Variants in CEP63 observed in about 807,000 individuals in gnomAD.
CEP63 encodes centrosomal protein 63, also known as centrosomal protein of 63 kDa.
CEP63 carries 84 observed loss-of-function variants against 89.1 expected under a neutral mutation model. The ratio of observed to expected loss-of-function variants is 0.94; its 90% confidence interval spans 0.79 to 1.13. CEP63 has a LOEUF of 1.13. Among genes scored for constraint, CEP63 ranks in the 50% most tolerant of loss-of-function variants. CEP63 has a pLI of 0.00. For synonymous variants in CEP63, 267 were observed against 272.5 expected (o/e 0.98, Z 0.20); for missense variants, 838 against 813.3 (o/e 1.03, Z -0.37).
downstream of CEP63, among the ~76,000 whole-genome samples, chr3:134,590,793 A>C (rs1958582563): frequency 6.6e-6 from 1 of 152,208 alleles, no homozygotes; most frequent in Non-Finnish European, 1.5e-5. Flanking sequence ...TAATGGCACT[A>C]TACAATTCCC....
chr3:134,684,564 A>G, the CEP63 span, among the ~76,000 whole-genome samples: 7 of 152,208 alleles, frequency 4.6e-5, no homozygotes, highest in African/African-American at 1.7e-4. Context: ...CTCTAATTCA[A>G]CAAAGGAATT....
chr3:134,559,417 G>T lies in CEP63; in HGVS notation c.1941G>T (p.Glu647Asp). The T allele has an allele frequency of 6.2e-7, 1 of 1,613,334 alleles. No individual in the cohort carries two copies. Among genetic ancestry groups the T allele is most frequent in the Non-Finnish European group, 8.5e-7 (1 of 1,179,392 alleles). The change falls in exon 14 of 15, where the codon GAG becomes GAT. Residue 647 changes from glutamate to aspartate, a missense_variant. Glu to Asp is a conservative substitution (Grantham distance 45). Coordinates refer to ENST00000675561, the MANE Select transcript of CEP63 (RefSeq NM_001353108.3). ...CTGAGAGTATGAATGACCAAGAAGA[G>T]TTTATATCTTCGGTATGGAAACTTT... is the stretch of plus-strand genomic sequence containing the variant. ...TMSESMNDQE[E>D]FISSCSLPVS...
At chr3:134,595,220 A>G in the CEP63 span, among the ~76,000 whole-genome samples, 2 of 152,174 alleles carry the variant, frequency 1.3e-5, no homozygotes, top group Non-Finnish European at 2.9e-5. Flanking sequence ...GTGAGTTCTC[A>G]CAAGATCTGA....
rs1183918846 is a variant in CEP63 at position 134,507,159 on chromosome 3, T to C, written c.95T>C (p.Ile32Thr). ...EAELQELMKQ[I>T]DIMVAHKKSE... ...GAACTACAGGAGCTCATGAAACAGA[T>C]TGACATAATGGTGGCTCATAAAAAA... is the stretch of plus-strand genomic sequence containing the variant. Residue 32 changes from isoleucine to threonine, a missense_variant, in exon 3 of 15, where the codon ATT becomes ACT. By Grantham distance (89) the Ile-to-Thr change is moderately conservative (BLOSUM62 -1). Coordinates refer to ENST00000675561, the MANE Select transcript of CEP63 (RefSeq NM_001353108.3). 4 of 1,613,652 alleles carry C rather than the reference T, an allele frequency of 2.5e-6. No individual in the cohort carries two copies. In the African/African-American group the frequency reaches 4.0e-5, roughly 16 times the overall value.
At chr3:134,607,527 G>T in the CEP63 span, 14 of 985,740 alleles carry the variant, frequency 1.4e-5, no homozygotes, top group Non-Finnish European at 1.6e-5. Flanking sequence ...CTTTGCTGAG[G>T]TGTGGGAGGC....
At chr3:134,516,973 G>T (rs913632929) in intron 3 of CEP63, among the ~76,000 whole-genome samples, 2 of 152,090 alleles carry the variant, frequency 1.3e-5, no homozygotes, top group African/African-American at 4.8e-5. Flanking sequence ...TAGATCTTAG[G>T]TCAAGGTTCA....
intron 11 of CEP63, 37 bp from the exon 12 acceptor site, chr3:134,551,889 A>C (rs975464571): frequency 2.1e-6 from 3 of 1,415,714 alleles, no homozygotes; most frequent in African/African-American, 2.8e-5. Context: ...TGTGATTTAC[A>C]TGTTATATTT....
chr3:134,550,639 C>T (rs760732376), intron 11 of CEP63, among the ~76,000 whole-genome samples: 5 of 152,148 alleles, frequency 3.3e-5, no homozygotes, highest in Non-Finnish European at 7.3e-5. Flanking sequence ...AGTAGAAACA[C>T]GCTTGCTGTG....
At chr3:134,545,349 C>T (rs1482105739) in intron 6 of CEP63, among the ~76,000 whole-genome samples, 2 of 151,950 alleles carry the variant, frequency 1.3e-5, no homozygotes, top group South Asian at 2.1e-4. Flanking sequence ...AGGCTGATCT[C>T]GAACTCCTGA....
At chr3:134,673,330 T>C in the CEP63 span, among the ~76,000 whole-genome samples, 8 of 152,170 alleles carry the variant, frequency 5.3e-5, no homozygotes, top group Non-Finnish European at 8.8e-5. Flanking sequence ...TGGCCTCATA[T>C]AGAAGCCATT....
chr3:134,685,922 G>T, the CEP63 span, among the ~76,000 whole-genome samples: 4 of 152,112 alleles, frequency 2.6e-5, no homozygotes, highest in Admixed American at 1.3e-4. Flanking sequence ...ACGTGTTTAG[G>T]GCCTACTCCA....
the CEP63 span, among the ~76,000 whole-genome samples, chr3:134,693,581 G>A: frequency 6.6e-6 from 1 of 152,176 alleles, no homozygotes; most frequent in Admixed American, 6.5e-5. Flanking sequence ...ATATAAAATG[G>A]AGGGAAACAG....
downstream of CEP63, among the ~76,000 whole-genome samples, chr3:134,565,243 T>G (rs1007096296): frequency 6.6e-6 from 1 of 152,202 alleles, no homozygotes; most frequent in Non-Finnish European, 1.5e-5. Flanking sequence ...AAAGTTGACT[T>G]CCCACTGTGG....
At chr3:134,502,283 G>GTT (rs148620051) in intron 2 of CEP63, among the ~76,000 whole-genome samples, 2 of 151,196 alleles carry the variant, frequency 1.3e-5, no homozygotes, top group East Asian at 1.9e-4. Context: ...TTGGTCTGTA[G>GTT]TTTTTTTTTG....
At chr3:134,758,690 A>AT in the CEP63 span, among the ~76,000 whole-genome samples, 1 of 152,164 alleles carries the variant, frequency 6.6e-6, no homozygotes, top group Non-Finnish European at 1.5e-5. Flanking sequence ...CTGATCTAAG[A>AT]TAGTCACTTC....
chr3:134,631,542 G>A, the CEP63 span, among the ~76,000 whole-genome samples: 1 of 94,036 alleles, frequency 1.1e-5, no homozygotes, highest in Non-Finnish European at 2.4e-5. Context: ...ACATCTGATA[G>A]GTTTTTGATA....
chr3:134,701,263 T>C, the CEP63 span, among the ~76,000 whole-genome samples: 2 of 103,316 alleles, frequency 1.9e-5, no homozygotes, highest in East Asian at 2.6e-4. Flanking sequence ...TATACACATA[T>C]ATACATATAC....
At chr3:134,709,294 A>G in the CEP63 span, among the ~76,000 whole-genome samples, 2 of 152,096 alleles carry the variant, frequency 1.3e-5, no homozygotes, top group African/African-American at 4.8e-5. Flanking sequence ...AGTATTGGAC[A>G]TTGCTGTGGG....
At chr3:134,772,504 T>C in the CEP63 span, among the ~76,000 whole-genome samples, 4 of 151,566 alleles carry the variant, frequency 2.6e-5, no homozygotes, top group Admixed American at 1.3e-4. Context: ...CCTCCCCTCT[T>C]CCCCTCCCCT....
Sources: gnomAD v4.1 joint callset for allele counts (sites outside exome capture counted in the v4.1 genomes callset) on GRCh38, gnomAD v4.1.1 for gene constraint, MANE v1.5 for transcripts, NCBI Gene and HGNC (gene_info 2026-07-23, HGNC 2026-07-21) for gene names.